CDH13: variants seen among roughly 807,000 people sequenced by gnomAD.
CDH13 encodes the protein cadherin-13.
In CDH13, 24 loss-of-function variants were observed where a neutral mutation model predicts 63.8. That is an observed-to-expected ratio of 0.38 (90% CI 0.27 to 0.53). The LOEUF (loss-of-function observed/expected upper bound fraction) is 0.53, where lower values mean the gene tolerates loss of function less well. CDH13 is among the 20% of genes least tolerant of loss of function. The pLI is 0.85. For missense variants in CDH13, 1,049 were observed against 903.1 expected (o/e 1.16, Z -2.07); for synonymous variants, 503 against 355.3 (o/e 1.42, Z -4.67).
chr16:83,348,898 A>C (rs1047678294), intron 6 of CDH13, among the ~76,000 whole-genome samples: 1 of 152,240 alleles, frequency 6.6e-6, no homozygotes, highest in Non-Finnish European at 1.5e-5. Context: ...ATTCTGGAAG[A>C]GTACCCTTTA....
chr16:83,129,273 A>T (rs2035945245), intron 4 of CDH13, among the ~76,000 whole-genome samples: 2 of 152,174 alleles, frequency 1.3e-5, no homozygotes, highest in Non-Finnish European at 2.9e-5. Flanking sequence ...AATTTTATAA[A>T]TATTACGTAT....
intron 10 of CDH13, among the ~76,000 whole-genome samples, chr16:83,711,546 T>A (rs58528224): frequency 1.3e-5 from 2 of 152,068 alleles, no homozygotes; most frequent in Non-Finnish European, 2.9e-5. Context: ...AGAAAGGTCT[T>A]ACTCTCTTAC....
chr16:83,228,139 C>A (rs748733079), intron 5 of CDH13, among the ~76,000 whole-genome samples: 1 of 152,166 alleles, frequency 6.6e-6, no homozygotes, highest in East Asian at 1.9e-4. Flanking sequence ...CTCTCATGTA[C>A]CCCTGACAGC....
intron 1 of CDH13, among the ~76,000 whole-genome samples, chr16:82,828,799 A>T (rs1156366454): frequency 6.6e-6 from 1 of 152,120 alleles, no homozygotes; most frequent in Non-Finnish European, 1.5e-5. Context: ...TTATATAAGT[A>T]ATCTAGAAAT....
chr16:83,022,954 G>T (rs772177964), intron 2 of CDH13: 4 of 152,144 alleles, frequency 2.6e-5, no homozygotes, highest in Non-Finnish European at 5.9e-5. Context: ...AAATCCATCT[G>T]CATTTCATTT....
At chr16:83,741,947 C>T (rs1439709636) in intron 10 of CDH13, among the ~76,000 whole-genome samples, 1 of 152,222 alleles carries the variant, frequency 6.6e-6, no homozygotes, top group African/African-American at 2.4e-5. Flanking sequence ...ACAGTTTCAT[C>T]TCCAAGCCAT....
chr16:83,526,387 G>A (rs2074959597), intron 7 of CDH13, among the ~76,000 whole-genome samples: 1 of 152,202 alleles, frequency 6.6e-6, no homozygotes, highest in Non-Finnish European at 1.5e-5. Flanking sequence ...TGGGATTGGA[G>A]GAGGATGGTT....
At chr16:83,205,152 G>A (rs2039144311) in intron 4 of CDH13, among the ~76,000 whole-genome samples, 1 of 152,196 alleles carries the variant, frequency 6.6e-6, no homozygotes, top group Non-Finnish European at 1.5e-5. Context: ...AGAGATTCCA[G>A]GAGCCACCTT....
intron 3 of CDH13, among the ~76,000 whole-genome samples, chr16:83,043,523 GTGTGTA>G (rs1287738649): frequency 7.6e-5 from 11 of 144,626 alleles, no homozygotes; most frequent in African/African-American, 2.9e-4. Context: ...GTGTGTGTGT[GTGTGTA>G]TGTATAACAG....
At chr16:83,263,798 T>C (rs1353543829) in intron 5 of CDH13, among the ~76,000 whole-genome samples, 1 of 152,152 alleles carries the variant, frequency 6.6e-6, no homozygotes, top group Non-Finnish European at 1.5e-5. Flanking sequence ...TTAAGTTGGC[T>C]TCACCATTTT....
intron 1 of CDH13, among the ~76,000 whole-genome samples, chr16:82,782,255 G>C (rs2035789083): frequency 6.6e-6 from 1 of 152,158 alleles, no homozygotes; most frequent in African/African-American, 2.4e-5. Flanking sequence ...TTGAATGGAA[G>C]AAAGGAGAAA....
intron 1 of CDH13, among the ~76,000 whole-genome samples, chr16:82,806,195 T>C (rs1488963286): frequency 6.6e-6 from 1 of 152,178 alleles, no homozygotes; most frequent in East Asian, 1.9e-4. Flanking sequence ...TGAACTGGGC[T>C]TGGAGATGCA....
intron 7 of CDH13, among the ~76,000 whole-genome samples, chr16:83,593,344 C>A (rs1242664391): frequency 1.3e-5 from 2 of 152,158 alleles, no homozygotes; most frequent in African/African-American, 4.8e-5. Flanking sequence ...TCCTTGACTC[C>A]TAGAGCAGCA....
At chr16:83,645,176 G>A (rs929958376) in intron 8 of CDH13, among the ~76,000 whole-genome samples, 2 of 152,230 alleles carry the variant, frequency 1.3e-5, no homozygotes, top group African/African-American at 4.8e-5. Flanking sequence ...ACTGGTTAAA[G>A]AAAAGGTGGT....
At chr16:83,664,958 C>T (rs1049916301) in intron 8 of CDH13, among the ~76,000 whole-genome samples, 6 of 152,172 alleles carry the variant, frequency 3.9e-5, no homozygotes, top group Non-Finnish European at 7.4e-5. Flanking sequence ...CTAGTGGAGT[C>T]TCCAGCATGC....
chr16:83,147,309 G>C (rs118044307), intron 4 of CDH13, among the ~76,000 whole-genome samples: 202 of 152,308 alleles, frequency 1.3e-3, no homozygotes, highest in Middle Eastern at 3.4e-3. Context: ...TGTGAGGCCT[G>C]ACCTTGCTTT....
chr16:83,069,976 A>C (rs753202396), intron 3 of CDH13, among the ~76,000 whole-genome samples: 1 of 152,226 alleles, frequency 6.6e-6, no homozygotes, highest in Non-Finnish European at 1.5e-5. Context: ...GAAATGAAGA[A>C]AAATTGGGCC....
chr16:83,474,502 C>G (rs1250363517), intron 6 of CDH13, among the ~76,000 whole-genome samples: 1 of 152,098 alleles, frequency 6.6e-6, no homozygotes, highest in African/African-American at 2.4e-5. Flanking sequence ...AATGAGCAGC[C>G]AGGGTTGCAA....
intron 6 of CDH13, among the ~76,000 whole-genome samples, chr16:83,345,308 G>T (rs2090817088): frequency 6.6e-6 from 1 of 152,206 alleles, no homozygotes; most frequent in South Asian, 2.1e-4. Flanking sequence ...TTACCTTTGT[G>T]AAAGTCCAAG....
Sources: allele counts gnomAD v4.1 joint callset (sites outside exome capture counted in the v4.1 genomes callset), GRCh38; gene constraint gnomAD v4.1.1; transcripts MANE v1.5; gene names NCBI Gene and HGNC (gene_info 2026-07-23, HGNC 2026-07-21).